The following SPTAN1 variants were observed in gnomAD, a reference collection of about 807,000 sequenced individuals.
The protein encoded by SPTAN1 is spectrin alpha chain, non-erythrocytic 1.
Under a neutral mutation model 331.3 loss-of-function variants are expected in SPTAN1, and 61 were observed. That is an observed-to-expected ratio of 0.18 (90% CI 0.15 to 0.23). The LOEUF (loss-of-function observed/expected upper bound fraction) is 0.23. Ranked by LOEUF, SPTAN1 falls within the 10% of genes least tolerant of loss-of-function variation. The pLI, the probability that SPTAN1 is intolerant of heterozygous loss-of-function variation, is 1.00. For synonymous variants in SPTAN1, 1,153 were observed against 1,173.9 expected (o/e 0.98, Z 0.36); for missense variants, 2,043 against 3,147.9 (o/e 0.65, Z 8.40).
chr9:128,554,716 A>C (rs1014977573), intron 1 of SPTAN1, among the ~76,000 whole-genome samples: 1 of 152,242 alleles, frequency 6.6e-6, no homozygotes, highest in African/African-American at 2.4e-5. Flanking sequence ...GCAACGCCCT[A>C]GTGGCAAATG....
At position 128,616,611 on chromosome 9, in the gene SPTAN1, A is replaced by G. The variant is rs148787277; in HGVS notation, c.5357+771A>G. On this transcript the variant is annotated intron_variant, in intron 41 of 56. Coordinates refer to ENST00000372739, the MANE Select transcript of SPTAN1 (RefSeq NM_001130438.3). The stretch of plus-strand genomic sequence containing the variant: ...GTGAAACCCCGTCTCTACTAAATAC[A>G]CAAAAATTAGCCAGGTGTGGTAGCA... Among the ~76,000 whole-genome samples the G allele has an allele frequency of 6.0e-3, 903 of 151,268 alleles. 5 individuals carry two copies. Among genetic ancestry groups the G allele is most frequent in the African/African-American group, 0.021 (848 of 41,248 alleles).
chr9:128,615,533 C>G, intron 40 of SPTAN1, 99 bp from the exon 41 acceptor site: 1 of 1,249,514 alleles, frequency 8.0e-7, no homozygotes, highest in Non-Finnish European at 1.2e-6. Flanking sequence ...TTGAGAATAT[C>G]AACACTCCAC....
Position 128,627,313 on chromosome 9 carries a change from A to T in SPTAN1, c.6577-73A>T. 7.2e-7 allele frequency: 1 copy of T among 1,379,736 alleles called. No homozygotes were observed. Among genetic ancestry groups the T allele is most frequent in the Non-Finnish European group, 1.0e-6 (1 of 994,378 alleles). The allele number at this position is 1,379,736 out of a possible 1,614,324, so 85.5% of individuals were successfully genotyped here. A position where few individuals can be genotyped will look rare whatever the true frequency, so the allele number is the denominator to read the frequency against. On this transcript the variant is annotated intron_variant, in intron 49 of 56. Transcript: ENST00000372739. The surrounding 1 kb of genome is among the most constrained non-coding windows in gnomAD (Gnocchi z 4.9). The stretch of plus-strand genomic sequence containing the variant: ...TTGTGGGGAGGCCACCACCACCCTG[A>T]GCCCATCTGTGAAGGAGGGGCTGGT...
At chr9:128,567,577 C>T (rs1850185699) in intron 2 of SPTAN1, among the ~76,000 whole-genome samples, 1 of 150,428 alleles carries the variant, frequency 6.6e-6, no homozygotes, top group Admixed American at 6.6e-5. Flanking sequence ...GCGTGAGCCA[C>T]CACACCTGGC....
intron 19 of SPTAN1, among the ~76,000 whole-genome samples, chr9:128,586,457 A>T (rs1408783208): frequency 6.6e-6 from 1 of 152,076 alleles, no homozygotes; most frequent in Non-Finnish European, 1.5e-5. Flanking sequence ...TATTATGAAA[A>T]TGTAATCATA....
At chr9:128,604,441 G>C (rs1476683311) in intron 29 of SPTAN1, 24 bp downstream of exon 29, 2 of 1,603,542 alleles carry the variant, frequency 1.2e-6, no homozygotes, top group Non-Finnish European at 1.7e-6. Context: ...CCTGGGCTGG[G>C]AGAGGGAGAA....
intron 31 of SPTAN1, among the ~76,000 whole-genome samples, chr9:128,606,629 A>G (rs746219199): frequency 9.6e-4 from 145 of 151,352 alleles, no homozygotes; most frequent in Non-Finnish European, 1.5e-3. Context: ...GATCACAGGC[A>G]TGCACCACCA....
chr9:128,574,489 T>C (rs1851081490), intron 3 of SPTAN1, among the ~76,000 whole-genome samples, 186 bp from the exon 4 acceptor site: 1 of 152,112 alleles, frequency 6.6e-6, no homozygotes, highest in African/African-American at 2.4e-5. Flanking sequence ...AAAAAACCAC[T>C]GTGAACTGTG....
At chr9:128,590,940 G>C (rs1853412270) in intron 21 of SPTAN1, among the ~76,000 whole-genome samples, 1 of 152,244 alleles carries the variant, frequency 6.6e-6, no homozygotes, top group African/African-American at 2.4e-5. Flanking sequence ...CATCTAAGCA[G>C]AGAGAAGGCC....
At chr9:128,624,988 G>A in intron 46 of SPTAN1, 115 bp from the exon 47 acceptor site, 1 of 1,002,824 alleles carries the variant, frequency 1.0e-6, no homozygotes, top group East Asian at 2.4e-5. Context: ...GCTGTAGTTA[G>A]GAAGATTGGG....
chr9:128,627,555 G>A lies in SPTAN1; in HGVS notation c.6689+57G>A, dbSNP rs1437706379. ...CATGTCCCTGCTGTACTTAAGCCCTGGGGAGCTTCCAGCCCCAAGGAGGTG... is the reference window on the plus strand; with the variant it reads ...CATGTCCCTGCTGTACTTAAGCCCTAGGGAGCTTCCAGCCCCAAGGAGGTG... On this transcript the variant is annotated intron_variant, in intron 50 of 56. Transcript: ENST00000372739. This position sits in a 1 kb window ranked among gnomAD's most constrained non-coding sequence, Gnocchi z 4.9. 1.4e-6 allele frequency: 2 copies of A among 1,471,534 alleles called. No homozygotes were observed. Among genetic ancestry groups the A allele is most frequent in the Non-Finnish European group, 1.9e-6 (2 of 1,074,860 alleles). The allele number at this position is 1,471,534 out of a possible 1,614,324, so 91.2% of individuals were successfully genotyped here.
At chr9:128,572,542 C>T (rs932159613) in intron 3 of SPTAN1, among the ~76,000 whole-genome samples, 8 of 152,234 alleles carry the variant, frequency 5.3e-5, no homozygotes, top group African/African-American at 1.7e-4. Flanking sequence ...AGAGGATTTT[C>T]TCTAGTCTTC....
Position 128,603,536 on chromosome 9 carries a change from T to C in SPTAN1, c.3580-7T>C. 6.2e-7 allele frequency: 1 copy of C among 1,614,168 alleles called. No individual in the cohort carries two copies. The highest frequency in any genetic ancestry group is 8.5e-7 in the Non-Finnish European group (1 of 1,180,034). ...TAGTTTTGCCTTCTGCTTTCCTCCC[T>C]ACCTAGTCTGCTCGTCTGATGGTTC... is the stretch of plus-strand genomic sequence containing the variant. On this transcript the variant is annotated splice_region_variant and splice_polypyrimidine_tract_variant and intron_variant, in intron 27 of 56. Transcript: ENST00000372739.
At chr9:128,558,602 T>G (rs558096311) in intron 1 of SPTAN1, among the ~76,000 whole-genome samples, 8 of 152,204 alleles carry the variant, frequency 5.3e-5, no homozygotes, top group Admixed American at 5.2e-4. Context: ...TGGAGTTTGT[T>G]TTTTAATGGC....
Position 128,633,291 on chromosome 9 carries a change from C to A in SPTAN1, c.7391C>A (p.Ala2464Glu), listed in dbSNP as rs139070536. The change falls in exon 57 of 57, where the codon GCG becomes GAG. Residue 2464 changes from alanine to glutamate, a missense_variant. Ala to Glu is a moderately radical substitution (Grantham distance 107). This residue lies in a region of SPTAN1 where 88 missense variants were observed against 96.5 expected (regional missense o/e 0.91). Coordinates refer to ENST00000372739, the MANE Select transcript of SPTAN1 (RefSeq NM_001130438.3). ...GGCAAGGGCCGCGAGCTCCCCACCG[C>A]GTTCGACTACGTGGAGTTCACCCGC... ...VDGKGRELPT[A>E]FDYVEFTRSL... 1.9e-6 allele frequency: 3 copies of A among 1,613,928 alleles called. No homozygotes were observed. The highest frequency in any genetic ancestry group is 1.7e-5 in the Admixed American group (1 of 60,000).
intron 1 of SPTAN1, among the ~76,000 whole-genome samples, chr9:128,564,446 T>C (rs932460379): frequency 6.7e-5 from 10 of 149,150 alleles, no homozygotes; most frequent in Admixed American, 6.0e-4. Flanking sequence ...TAGCCAGTCA[T>C]GGTGGTGTGC....
intron 52 of SPTAN1, 150 bp from the exon 53 acceptor site, chr9:128,631,977 C>T: frequency 1.3e-6 from 1 of 759,016 alleles, no homozygotes; most frequent in Non-Finnish European, 2.2e-6. Flanking sequence ...TCAGCTTCAC[C>T]CCATCCCACT....
At chr9:128,603,930 C>T (rs1271193901) in intron 28 of SPTAN1, among the ~76,000 whole-genome samples, 1 of 152,242 alleles carries the variant, frequency 6.6e-6, no homozygotes, top group Non-Finnish European at 1.5e-5. Flanking sequence ...CGGCTCTTCC[C>T]AGGCCTGCTC....
chr9:128,592,465 G>A (rs1337415027), intron 22 of SPTAN1, among the ~76,000 whole-genome samples: 2 of 152,086 alleles, frequency 1.3e-5, no homozygotes, highest in East Asian at 1.9e-4. Flanking sequence ...AGTAGAGATG[G>A]GGTTTCACTG....
Sources: allele counts gnomAD v4.1 joint callset (sites outside exome capture counted in the v4.1 genomes callset), GRCh38; gene constraint gnomAD v4.1.1; regional missense constraint gnomAD v4.1.1; non-coding constraint Gnocchi (gnomAD v3.1); transcripts MANE v1.5; gene names NCBI Gene and HGNC (gene_info 2026-07-23, HGNC 2026-07-21).